CHD2: variants seen among roughly 807,000 people sequenced by gnomAD.
The protein encoded by CHD2 is ATP-dependent chromatin remodeler CHD2.
In CHD2, 28 loss-of-function variants were observed where a neutral mutation model predicts 243.9. The observed-to-expected ratio is 0.11, with a 90% CI of 0.09 to 0.16. CHD2 has a LOEUF of 0.16. Ranked by LOEUF, CHD2 falls within the 10% of genes least tolerant of loss-of-function variation. The probability of loss-of-function intolerance (pLI) is 1.00; values close to 1 mark genes in which losing one functional copy is unlikely to be tolerated. For missense variants in CHD2, 1,386 were observed against 2,209.8 expected, an observed-to-expected ratio of 0.63 and a Z score of 7.47; for synonymous variants, 775 against 779.0, an observed-to-expected ratio of 0.99 and a Z score of 0.09.
In CHD2 at chr15:92,924,313, A is replaced by T; in HGVS notation, c.63-8A>T. 1 of 1,611,934 alleles carries T rather than the reference A, an allele frequency of 6.2e-7. No homozygotes were observed. The highest frequency in any genetic ancestry group is 8.5e-7 in the Non-Finnish European group (1 of 1,178,646). On this transcript the variant is annotated splice_polypyrimidine_tract_variant and splice_region_variant and intron_variant, in intron 2 of 38. Coordinates refer to ENST00000394196, the MANE Select transcript of CHD2 (RefSeq NM_001271.4). The stretch of plus-strand genomic sequence containing the variant: ...ATATTTTTAAATCTCTCTCTCTCTC[A>T]AAATAAGTCACTCAGCCTCTGAAGA...
At chr15:92,971,733 T>C in intron 17 of CHD2, 32 bp from the exon 18 acceptor site, 1 of 1,591,290 alleles carries the variant, frequency 6.3e-7, no homozygotes, top group Non-Finnish European at 8.6e-7. Flanking sequence ...TTTTTTTGTA[T>C]CTAGTAGTAT....
At chr15:92,956,396 C>A in intron 15 of CHD2, 63 bp from the exon 16 acceptor site, 2 of 1,228,648 alleles carry the variant, frequency 1.6e-6, no homozygotes, top group Non-Finnish European at 2.3e-6. Context: ...ATAATTAACA[C>A]TTGAAAGCAC....
intron 10 of CHD2, chr15:92,945,496 A>G (rs184456492): frequency 2.1e-3 from 320 of 151,704 alleles, no homozygotes; most frequent in African/African-American, 8.1e-3. Flanking sequence ...GGTTCAAGTG[A>G]TTCTCCTGCC....
At chr15:92,953,251 TG>T in intron 13 of CHD2, 105 bp from the exon 14 acceptor site, 1 of 817,074 alleles carries the variant, frequency 1.2e-6, no homozygotes, top group Non-Finnish European at 2.0e-6. Context: ...AATGACACCT[TG>T]CTTGGCTGTT....
chr15:92,943,525 T>C (rs1045100572), intron 9 of CHD2: 1 of 163,976 alleles, frequency 6.1e-6, no homozygotes, highest in East Asian at 1.7e-4. Context: ...TGGGTTATGA[T>C]ATACTTAAAA....
At chr15:92,939,525 G>A in intron 6 of CHD2, 53 bp from the exon 7 acceptor site, 1 of 1,574,240 alleles carries the variant, frequency 6.4e-7, no homozygotes, top group Non-Finnish European at 8.6e-7. Context: ...ATATAAAGTA[G>A]ACACCAAATG....
intron 2 of CHD2, among the ~76,000 whole-genome samples, chr15:92,914,549 T>A (rs2052799204): frequency 2.0e-5 from 3 of 152,244 alleles, no homozygotes; most frequent in Non-Finnish European, 4.4e-5. Flanking sequence ...GCTTCAGCTG[T>A]GAATTTTAGA....
chr15:93,001,164 C>A (rs1009562596), intron 32 of CHD2, among the ~76,000 whole-genome samples: 1 of 152,188 alleles, frequency 6.6e-6, no homozygotes, highest in Non-Finnish European at 1.5e-5. Context: ...GTCACCGCGC[C>A]CGTCCTAAAG....
At position 92,978,251 on chromosome 15, in the gene CHD2, C is replaced by T. The variant is rs1478427410; in HGVS notation, c.2595C>T (p.Leu865=). The T allele has an allele frequency of 2.5e-6, 4 of 1,614,076 alleles. No homozygotes were observed. The highest frequency in any genetic ancestry group is 3.4e-6 in the Non-Finnish European group (4 of 1,180,034). Reference sequence around the variant, plus strand: ...GTGTACAGGACTTCTGTTTCCTGCTCTCGACAAGGGCTGGTGGCCTGGGAA... The same window carrying T: ...GTGTACAGGACTTCTGTTTCCTGCTTTCGACAAGGGCTGGTGGCCTGGGAA... ...ADGSEDFCFL[L]STRAGGLGIN... Residue 865 remains leucine (L), a synonymous_variant, in exon 21 of 39, where the codon CTC becomes CTT. Transcript: ENST00000394196.
chr15:92,928,668 A>T lies in CHD2; in HGVS notation c.382-362A>T, dbSNP rs1016530801. On this transcript the variant is annotated intron_variant, in intron 4 of 38. Coordinates refer to ENST00000394196, the MANE Select transcript of CHD2 (RefSeq NM_001271.4). The stretch of plus-strand genomic sequence containing the variant: ...GTTAAAAATAAAACTTCCATTTCTC[A>T]GTCACACCAGTCACATTTTAAGCGC... 2.0e-5 allele frequency among the ~76,000 whole-genome samples: 3 copies of T among 152,244 alleles called. No homozygotes were observed. The South Asian group carries it at 6.2e-4, about 31-fold the overall frequency.
intron 2 of CHD2, among the ~76,000 whole-genome samples, chr15:92,911,580 A>G (rs1280153688): frequency 6.6e-6 from 1 of 152,156 alleles, no homozygotes; most frequent in Non-Finnish European, 1.5e-5. Context: ...TCTACTAAAA[A>G]TACAAAAATT....
intron 37 of CHD2, among the ~76,000 whole-genome samples, chr15:93,016,199 G>C (rs2054458365): frequency 6.6e-6 from 1 of 152,148 alleles, no homozygotes; most frequent in Non-Finnish European, 1.5e-5. Context: ...CCTGTCGTTC[G>C]CAACAACATG....
At chr15:92,911,752 A>G (rs1202593110) in intron 2 of CHD2, among the ~76,000 whole-genome samples, 1 of 152,122 alleles carries the variant, frequency 6.6e-6, no homozygotes, top group African/African-American at 2.4e-5. Flanking sequence ...CCTGCCCAAG[A>G]AAAAATCAAC....
chr15:92,967,198 T>C (rs2053776970), intron 16 of CHD2, 127 bp from the exon 17 acceptor site: 1 of 639,996 alleles, frequency 1.6e-6, no homozygotes, highest in African/African-American at 1.8e-5. Context: ...TGTTTTCCCT[T>C]CTATTTAAGA....
chr15:92,937,771 C>A, intron 6 of CHD2, 146 bp downstream of exon 6: 1 of 594,398 alleles, frequency 1.7e-6, no homozygotes, highest in Non-Finnish European at 2.9e-6. Flanking sequence ...CACTTTCAGC[C>A]AGCCTACATT....
intron 17 of CHD2, among the ~76,000 whole-genome samples, 179 bp downstream of exon 17, chr15:92,967,692 AT>A (rs922301550): frequency 3.3e-5 from 5 of 150,928 alleles, no homozygotes; most frequent in African/African-American, 9.7e-5. Context: ...CGCCCAGCTA[AT>A]TTTTTTTGTA....
intron 2 of CHD2, chr15:92,902,841 C>T (rs1335132528): frequency 6.6e-6 from 1 of 152,178 alleles, no homozygotes; most frequent in African/African-American, 2.4e-5. Context: ...GGTTTTGGCT[C>T]TCTTATGCAA....
In CHD2 at chr15:92,967,579, G is replaced by GAT. The variant is rs911092445; in HGVS notation, c.2189+78_2189+79dup. The GAT allele has an allele frequency of 1.0e-3, 1,065 of 1,044,422 alleles. 1 individual carries two copies. Among genetic ancestry groups the GAT allele is most frequent in the Middle Eastern group, 2.9e-3 (10 of 3,390 alleles). The allele number at this position is 1,044,422 out of a possible 1,614,324, so 64.7% of individuals were successfully genotyped here. A position where few individuals can be genotyped will look rare whatever the true frequency, so the allele number is the denominator to read the frequency against. ...AGTACCATGAAACTATTAGATAGGA[G>GAT]ATATATATATATACTTTTGTTTTTT... is the stretch of plus-strand genomic sequence containing the variant. On this transcript the variant is annotated intron_variant, in intron 17 of 38. Transcript: ENST00000394196.
intron 2 of CHD2, among the ~76,000 whole-genome samples, chr15:92,910,495 C>T (rs1188564051): frequency 1.3e-5 from 2 of 151,992 alleles, no homozygotes; most frequent in African/African-American, 4.8e-5. Flanking sequence ...CAGGTTCAAG[C>T]GATTGTTCTG....
Sources: gnomAD v4.1 joint callset for allele counts (sites outside exome capture counted in the v4.1 genomes callset) on GRCh38, gnomAD v4.1.1 for gene constraint, MANE v1.5 for transcripts, NCBI Gene and HGNC (gene_info 2026-07-23, HGNC 2026-07-21) for gene names.